Variants in CCDC170 observed in about 807,000 individuals in gnomAD.
CCDC170 encodes coiled-coil domain containing 170, also known as coiled-coil domain-containing protein 170.
CCDC170 carries 69 observed loss-of-function variants against 72.6 expected under a neutral mutation model. That is an observed-to-expected ratio of 0.95 (90% CI 0.78 to 1.16). CCDC170 has a LOEUF of 1.16. CCDC170 is among the 50% of genes most tolerant of loss of function. The probability of loss-of-function intolerance (pLI) is 0.00; values close to 1 mark genes in which losing one functional copy is unlikely to be tolerated. For missense variants in CCDC170, 852 were observed against 832.5 expected (o/e 1.02, Z -0.29); for synonymous variants, 300 against 303.9 (o/e 0.99, Z 0.13).
intron 5 of CCDC170, among the ~76,000 whole-genome samples, chr6:151,549,516 A>C (rs1325027139): frequency 6.6e-6 from 1 of 152,184 alleles, no homozygotes; most frequent in Non-Finnish European, 1.5e-5. Flanking sequence ...GTATATGGTG[A>C]AACATGTTCC....
Position 151,586,028 on chromosome 6 carries a change from T to A in CCDC170, c.1232T>A (p.Leu411Gln), listed in dbSNP as rs777677773. The A allele has an allele frequency of 8.7e-6, 14 of 1,614,072 alleles. No individual in the cohort carries two copies. The highest frequency in any genetic ancestry group is 1.2e-5 in the Non-Finnish European group (14 of 1,180,010). ...LETLQGQLTH[L>Q]EAELVSGGVL... ...ACTCTTCAGGGTCAGCTGACACACC[T>A]GGAGGCAGAGCTGGTTTCTGGAGGT... The change falls in exon 7 of 11, where the codon CTG (leucine) becomes CAG (glutamine). Residue 411 changes from leucine to glutamine, a missense_variant. Physicochemically the swap from Leu to Gln is moderately radical, Grantham distance 113 (BLOSUM62 -2). Coordinates refer to ENST00000239374, the MANE Select transcript of CCDC170 (RefSeq NM_025059.4).
At chr6:151,552,795 T>C (rs1782903774) in intron 5 of CCDC170, among the ~76,000 whole-genome samples, 1 of 141,418 alleles carries the variant, frequency 7.1e-6, no homozygotes, top group Non-Finnish European at 1.5e-5. Context: ...TTTTTTTTTT[T>C]TTTTTTTTTT....
chr6:151,583,605 G>C (rs1201445264), intron 6 of CCDC170, among the ~76,000 whole-genome samples: 4 of 152,044 alleles, frequency 2.6e-5, no homozygotes, highest in African/African-American at 9.7e-5. Context: ...CTACAGGCAT[G>C]AGCCATCACG....
chr6:151,545,349 C>T (rs958186237), intron 4 of CCDC170, among the ~76,000 whole-genome samples: 3 of 151,836 alleles, frequency 2.0e-5, no homozygotes, highest in South Asian at 2.1e-4. Flanking sequence ...AACCAGGAGG[C>T]GGAGGTTGCA....
intron 4 of CCDC170, among the ~76,000 whole-genome samples, chr6:151,546,978 C>A (rs1489405487): frequency 7.0e-6 from 1 of 142,810 alleles, no homozygotes; most frequent in Non-Finnish European, 1.5e-5. Context: ...GCCACGTGAG[C>A]AGGTGCCTGT....
In CCDC170 at chr6:151,548,452, CTGCCTCCTGTACTGAAGAGA is replaced by C. The variant is rs776419042; in HGVS notation, c.738_757del (p.Ala247ArgfsTer18). The C allele has an allele frequency of 3.8e-5, 61 of 1,608,892 alleles. No homozygotes were observed. Among genetic ancestry groups the C allele is most frequent in the Non-Finnish European group, 5.0e-5 (59 of 1,177,868 alleles). The stretch of plus-strand genomic sequence containing the variant: ...GAAGTCAACAGAGAGCAGAAAAAAG[CTGCCTCCTGTACTGAAGAGA>C]AAGAGAAGCTGAACCAGGTATGATA... On this transcript the variant is annotated frameshift_variant, in exon 5 of 11. Transcript: ENST00000239374. LOFTEE classifies it high-confidence loss of function.
intron 1 of CCDC170, among the ~76,000 whole-genome samples, chr6:151,532,349 G>A (rs2115042076): frequency 6.6e-6 from 1 of 152,296 alleles, no homozygotes; most frequent in East Asian, 1.9e-4. Context: ...GCTCATGCCT[G>A]TAATCACAGC....
At chr6:151,538,576 C>T (rs1195726097) in intron 3 of CCDC170, among the ~76,000 whole-genome samples, 7 of 152,138 alleles carry the variant, frequency 4.6e-5, no homozygotes, top group South Asian at 2.1e-4. Context: ...TACACAATTT[C>T]GAAGATTTCT....
intron 3 of CCDC170, among the ~76,000 whole-genome samples, chr6:151,541,886 A>ATATATAT (rs1554221612): frequency 7.3e-6 from 1 of 137,156 alleles, no homozygotes; most frequent in African/African-American, 2.8e-5. Flanking sequence ...ATATATATAT[A>ATATATAT]TTTTTTTTTT....
intron 9 of CCDC170, among the ~76,000 whole-genome samples, chr6:151,609,718 C>T (rs1776840089): frequency 6.6e-6 from 1 of 152,184 alleles, no homozygotes; most frequent in Non-Finnish European, 1.5e-5. Flanking sequence ...CCGACTTAGT[C>T]CCATTCCACT....
Position 151,544,669 on chromosome 6 carries a change from C to T in CCDC170, c.541C>T (p.Pro181Ser), listed in dbSNP as rs573633517. The T allele has an allele frequency of 1.7e-5, 28 of 1,613,170 alleles. No individual in the cohort carries two copies. Among genetic ancestry groups the T allele is most frequent in the Non-Finnish European group, 2.4e-5 (28 of 1,179,322 alleles). ...GACTCAACTGCGTGACTGCTTGGAT[C>T]CAGATGAGAGGAATGACAAGGCATC... is the stretch of plus-strand genomic sequence containing the variant. Reference protein sequence around the residue: ...FLTQLRDCLDPDERNDKASDE... With the variant: ...FLTQLRDCLDSDERNDKASDE... The change falls in exon 4 of 11, where the codon CCA becomes TCA. Residue 181 changes from proline (P) to serine (S), a missense_variant. Physicochemically the swap from Pro to Ser is moderately conservative, Grantham distance 74. Transcript: ENST00000239374.
intron 1 of CCDC170, among the ~76,000 whole-genome samples, chr6:151,506,952 G>T (rs549548027): frequency 2.6e-4 from 40 of 152,148 alleles, no homozygotes; most frequent in Middle Eastern, 3.2e-3. Context: ...GCAGATTTCC[G>T]ACTTGCCAGT....
intron 1 of CCDC170, among the ~76,000 whole-genome samples, chr6:151,527,197 A>T (rs1459024012): frequency 6.6e-6 from 1 of 151,602 alleles, no homozygotes; most frequent in Non-Finnish European, 1.5e-5. Context: ...GAGCTTAGCC[A>T]TATTAGAAGG....
rs1207211349 is a variant in CCDC170, at chr6:151,604,255, T to C, written c.1710+7678T>C. Among the ~76,000 whole-genome samples, 3 of 152,266 alleles carry C rather than the reference T, an allele frequency of 2.0e-5. No individual in the cohort carries two copies. The East Asian group carries it at 5.8e-4, about 29-fold the overall frequency. On this transcript the variant is annotated intron_variant, in intron 9 of 10. Coordinates refer to ENST00000239374, the MANE Select transcript of CCDC170 (RefSeq NM_025059.4). The stretch of plus-strand genomic sequence containing the variant: ...TCTCCAACCCAACGAGTATAGCCTT[T>C]CTTAATTTTTTTCCCCTGAGCTCCC...
chr6:151,498,954 C>G (rs1159082414), intron 1 of CCDC170, among the ~76,000 whole-genome samples: 12 of 151,124 alleles, frequency 7.9e-5, no homozygotes, highest in Admixed American at 7.9e-4. Flanking sequence ...TAAGTGGAAT[C>G]AGACTGTATT....
chr6:151,618,290 C>T lies in CCDC170; in HGVS notation c.*143C>T, dbSNP rs1158005425. The T allele has an allele frequency of 1.9e-5, 13 of 698,418 alleles. No individual in the cohort carries two copies. Among genetic ancestry groups the T allele is most frequent in the East Asian group, 1.4e-4 (5 of 36,444 alleles). The allele number at this position is 698,418 out of a possible 1,614,324, so 43.3% of individuals were successfully genotyped here. A position where few individuals can be genotyped will look rare whatever the true frequency, so the allele number is the denominator to read the frequency against. Reference sequence around the variant, plus strand: ...AGTGAGAATGCATCACTTGCAAAAACGATCTCAAAAGTGTCAGCCTTAGAT... The same window carrying T: ...AGTGAGAATGCATCACTTGCAAAAATGATCTCAAAAGTGTCAGCCTTAGAT... On this transcript the variant is annotated 3_prime_UTR_variant, in exon 11 of 11. Coordinates refer to ENST00000239374, the MANE Select transcript of CCDC170 (RefSeq NM_025059.4).
chr6:151,512,891 T>C (rs933037465), intron 1 of CCDC170, among the ~76,000 whole-genome samples: 26 of 152,196 alleles, frequency 1.7e-4, no homozygotes, highest in Non-Finnish European at 3.8e-4. Context: ...CATATAGAAA[T>C]ATTGAGAAGG....
intron 1 of CCDC170, among the ~76,000 whole-genome samples, chr6:151,532,567 A>G (rs1400527668): frequency 6.6e-6 from 1 of 151,816 alleles, no homozygotes; most frequent in Non-Finnish European, 1.5e-5. Flanking sequence ...AAATTACGTC[A>G]CTGCACTCCA....
chr6:151,543,216 T>G (rs1337211552), intron 3 of CCDC170, among the ~76,000 whole-genome samples: 2 of 152,190 alleles, frequency 1.3e-5, no homozygotes, highest in Non-Finnish European at 2.9e-5. Context: ...TCAACAAACC[T>G]ATCTGAGATT....
Sources: allele counts gnomAD v4.1 joint callset (sites outside exome capture counted in the v4.1 genomes callset), GRCh38; gene constraint gnomAD v4.1.1; transcripts MANE v1.5; gene names NCBI Gene and HGNC (gene_info 2026-07-23, HGNC 2026-07-21).